The following SRGAP3 variants were observed in gnomAD, a reference collection of about 807,000 sequenced individuals.
SRGAP3 encodes the protein SLIT-ROBO Rho GTPase-activating protein 3.
Under a neutral mutation model 121.1 loss-of-function variants are expected in SRGAP3, and 39 were observed. The observed-to-expected ratio is 0.32, with a 90% CI of 0.25 to 0.42. The LOEUF (loss-of-function observed/expected upper bound fraction) is 0.42. SRGAP3 is among the 10% of genes least tolerant of loss of function. The pLI is 1.00. For synonymous variants in SRGAP3, 601 were observed against 570.0 expected (o/e 1.05, Z -0.77); for missense variants, 1,213 against 1,470.6 (o/e 0.82, Z 2.86).
At chr3:9,128,787 C>G (rs995281054) in intron 1 of SRGAP3, among the ~76,000 whole-genome samples, 4 of 152,234 alleles carry the variant, frequency 2.6e-5, no homozygotes, top group Non-Finnish European at 4.4e-5. Flanking sequence ...CTGCTCCCAA[C>G]AGCAACATGT....
rs144508963 is a variant in SRGAP3 at position 9,344,011 on chromosome 3, C to T, written n.215-13415G>A. ...GAACAATTTTTCTGTATCAGTAACA[C>T]TCATTATCATTTTTATAATGAAAAT... is the stretch of plus-strand genomic sequence containing the variant. On this transcript the variant is annotated intron_variant and non_coding_transcript_variant, in intron 1 of 3. Coordinates refer to the SRGAP3 transcript ENST00000490889. Among the ~76,000 whole-genome samples the T allele has an allele frequency of 1.4e-4, 21 of 152,292 alleles. No homozygotes were observed. The East Asian group carries it at 4.0e-3, about 29-fold the overall frequency.
chr3:9,203,522 A>G (rs1057301044), intron 1 of SRGAP3, among the ~76,000 whole-genome samples: 7 of 152,198 alleles, frequency 4.6e-5, no homozygotes, highest in African/African-American at 1.7e-4. Flanking sequence ...TCCTCCAGGA[A>G]GCCCTCTACA....
At chr3:9,046,118 A>C (rs1574970974) in intron 10 of SRGAP3, among the ~76,000 whole-genome samples, 6 of 136,194 alleles carry the variant, frequency 4.4e-5, no homozygotes, top group Admixed American at 7.4e-5. Context: ...CCCCCCTCCT[A>C]CCCCCTAGTC....
intron 1 of SRGAP3, among the ~76,000 whole-genome samples, chr3:9,223,977 G>A (rs766510041): frequency 2.6e-5 from 4 of 152,118 alleles, no homozygotes; most frequent in Non-Finnish European, 4.4e-5. Flanking sequence ...GAGTGAAATC[G>A]GCTCCAGATA....
rs200376937 is a variant in SRGAP3 at position 9,254,817 on chromosome 3, A to AAGAG, written n.442+71189_442+71192dup. Reference sequence around the variant, plus strand: ...GCTCTGAAAAAAAGAAAGAAAGAAAAAGAGAGAGAGAGAGAGGAACGAAGG... The same window carrying AAGAG: ...GCTCTGAAAAAAAGAAAGAAAGAAAAAGAGAGAGAGAGAGAGAGAGGAACGAAGG... On this transcript the variant is annotated intron_variant and non_coding_transcript_variant, in intron 3 of 3. Coordinates refer to the SRGAP3 transcript ENST00000490889. Among the ~76,000 whole-genome samples, 40 of 145,888 alleles carry AAGAG rather than the reference A, an allele frequency of 2.7e-4. No homozygotes were observed. The East Asian group carries it at 8.3e-3, about 30-fold the overall frequency.
chr3:9,043,464 A>C (rs150987663), intron 10 of SRGAP3, among the ~76,000 whole-genome samples: 39 of 152,246 alleles, frequency 2.6e-4, no homozygotes, highest in African/African-American at 9.2e-4. Flanking sequence ...GGGTGAACAG[A>C]AGGGGGCAGG....
chr3:9,318,632 T>G (rs1457015914), intron 3 of SRGAP3, among the ~76,000 whole-genome samples: 3 of 150,606 alleles, frequency 2.0e-5, no homozygotes, highest in Non-Finnish European at 1.5e-5. Context: ...CCCAGCACTT[T>G]GAGAGGCTGA....
intron 1 of SRGAP3, among the ~76,000 whole-genome samples, chr3:9,357,569 A>C (rs912160906): frequency 2.0e-5 from 3 of 151,386 alleles, no homozygotes; most frequent in Non-Finnish European, 4.4e-5. Flanking sequence ...GGAATAGAGA[A>C]TGTTACTCTT....
chr3:9,064,416 T>C lies in SRGAP3; in HGVS notation c.652A>G (p.Ile218Val), dbSNP rs1281401800. The C allele has an allele frequency of 6.2e-7, 1 of 1,614,200 alleles. No individual in the cohort carries two copies. Among genetic ancestry groups the C allele is most frequent in the East Asian group, 2.2e-5 (1 of 44,876 alleles). Reference protein sequence around the residue: ...RPQRRSSVKKIEKMKEKRQAK... With the variant: ...RPQRRSSVKKVEKMKEKRQAK... ...CTCACCTTCTCCTTCATCTTCTCAA[T>C]CTTCTTCACAGAGCTGCGGCGCTGG... Residue 218 changes from isoleucine (I) to valine (V), a missense_variant, in exon 5 of 22, where the codon ATT (isoleucine) becomes GTT (valine). Around this residue, in one of 2 missense-constraint regions of SRGAP3, gnomAD observed 793 missense variants for 1,032.9 expected, o/e 0.77. Coordinates refer to ENST00000383836, the MANE Select transcript of SRGAP3 (RefSeq NM_014850.4).
chr3:9,086,195 A>T (rs1947463932), intron 3 of SRGAP3, among the ~76,000 whole-genome samples: 1 of 152,046 alleles, frequency 6.6e-6, no homozygotes, highest in Non-Finnish European at 1.5e-5. Flanking sequence ...CATTTCTGCA[A>T]TGCAACAGAG....
intron 3 of SRGAP3, among the ~76,000 whole-genome samples, chr3:9,289,314 A>G (rs1315708229): frequency 1.3e-5 from 2 of 152,212 alleles, no homozygotes; most frequent in Non-Finnish European, 2.9e-5. Flanking sequence ...GTCTCCATGG[A>G]TCTGATTCTG....
intron 3 of SRGAP3, among the ~76,000 whole-genome samples, chr3:9,270,573 A>T (rs1426946154): frequency 1.3e-5 from 2 of 152,184 alleles, no homozygotes; most frequent in African/African-American, 4.8e-5. Flanking sequence ...TAACTCATTT[A>T]AAAAAACTCA....
At chr3:9,326,458 C>G (rs1351668135) in intron 2 of SRGAP3, among the ~76,000 whole-genome samples, 1 of 151,816 alleles carries the variant, frequency 6.6e-6, no homozygotes, top group Non-Finnish European at 1.5e-5. Context: ...GTCACCACAT[C>G]AATATATTCA....
At chr3:9,290,009 G>A (rs1183990876) in intron 3 of SRGAP3, among the ~76,000 whole-genome samples, 1 of 152,162 alleles carries the variant, frequency 6.6e-6, no homozygotes, top group Non-Finnish European at 1.5e-5. Flanking sequence ...TACTCAGGAG[G>A]CTGAGACAGG....
intron 2 of SRGAP3, among the ~76,000 whole-genome samples, chr3:9,118,164 G>A (rs1325122520): frequency 6.6e-6 from 1 of 151,904 alleles, no homozygotes; most frequent in African/African-American, 2.4e-5. Flanking sequence ...AAATAAATAG[G>A]GAGAGGGAAT....
At chr3:9,252,886 G>A (rs751464796), upstream of SRGAP3, among the ~76,000 whole-genome samples, 2 of 152,334 alleles carry the variant, frequency 1.3e-5, no homozygotes, top group South Asian at 2.1e-4. Flanking sequence ...CCTCTACCAT[G>A]TGATTTGATC....
intron 3 of SRGAP3, among the ~76,000 whole-genome samples, chr3:9,094,844 C>A (rs538113825): frequency 1.3e-5 from 2 of 152,236 alleles, no homozygotes; most frequent in African/African-American, 4.8e-5. Flanking sequence ...CAGCCTCAAC[C>A]TCCTGGGCTC....
chr3:8,984,838 C>T lies in SRGAP3; in HGVS notation c.*681G>A, dbSNP rs1032602377. 1 of 229,388 alleles carries T rather than the reference C, an allele frequency of 4.4e-6. No individual in the cohort carries two copies. Among genetic ancestry groups the T allele is most frequent in the Non-Finnish European group, 8.7e-6 (1 of 115,410 alleles). The allele number at this position is 229,388 out of a possible 1,614,324, so 14.2% of individuals were successfully genotyped here. A position where few individuals can be genotyped will look rare whatever the true frequency, so the allele number is the denominator to read the frequency against. Reference sequence around the variant, plus strand: ...AGGGGCAGACTGTTCTGGAAGGCCACGACTTCTGGAGACAGTGGGAGTCTG... The same window carrying T: ...AGGGGCAGACTGTTCTGGAAGGCCATGACTTCTGGAGACAGTGGGAGTCTG... On this transcript the variant is annotated 3_prime_UTR_variant, in exon 22 of 22. Coordinates refer to ENST00000383836, the MANE Select transcript of SRGAP3 (RefSeq NM_014850.4).
At chr3:9,060,995 G>C (rs957144591) in intron 5 of SRGAP3, among the ~76,000 whole-genome samples, 1 of 152,196 alleles carries the variant, frequency 6.6e-6, no homozygotes, top group African/African-American at 2.4e-5. Flanking sequence ...ACTTTGGGAG[G>C]CTGAGGCAGG....
Sources: allele counts gnomAD v4.1 joint callset (sites outside exome capture counted in the v4.1 genomes callset), GRCh38; gene constraint gnomAD v4.1.1; regional missense constraint gnomAD v4.1.1; transcripts MANE v1.5; gene names NCBI Gene and HGNC (gene_info 2026-07-23, HGNC 2026-07-21).